Variants in TIFAB observed in about 807,000 individuals in gnomAD.
TIFAB encodes TIFA inhibitor.
For missense variants in TIFAB, 222 were observed against 203.6 expected (o/e 1.09, Z -0.55); for synonymous variants, 116 against 95.2 (o/e 1.22, Z -1.27).
rs1309850586 is a variant in TIFAB, at chr5:135,449,341, G to C, written c.*113C>G. On this transcript the variant is annotated 3_prime_UTR_variant, in exon 2 of 2. Coordinates refer to ENST00000537858, the MANE Select transcript of TIFAB (RefSeq NM_001099221.2). ...AGTGGCAGGGCTAGCAGAGTGCACT[G>C]TCTGGGGGTTCCCTCTGGAGCTGTA... The C allele has an allele frequency of 7.6e-6, 11 of 1,453,390 alleles. No individual in the cohort carries two copies. The highest frequency in any genetic ancestry group is 2.0e-5 in the Admixed American group (1 of 50,226). 90.0% of individuals were successfully genotyped at this position (1,453,390 alleles called of 1,614,324 possible). A position where few individuals can be genotyped will look rare whatever the true frequency, so the allele number is the denominator to read the frequency against.
At position 135,446,403 on chromosome 5, in the gene TIFAB, G is replaced by T; in HGVS notation, c.*3051C>A. 1 of 1,608,446 alleles carries T rather than the reference G, an allele frequency of 6.2e-7. No individual in the cohort carries two copies. The highest frequency in any genetic ancestry group is 1.1e-5 in the South Asian group (1 of 90,842). ...TCAGGCACGTGGGCTGCCCTGCGGT[G>T]GGAGCTGAGAGAATGCAGTGGAGGT... is the stretch of plus-strand genomic sequence containing the variant. On this transcript the variant is annotated 3_prime_UTR_variant, in exon 2 of 2. Coordinates refer to ENST00000537858, the MANE Select transcript of TIFAB (RefSeq NM_001099221.2).
At position 135,446,835 on chromosome 5, in the gene TIFAB, C is replaced by T; in HGVS notation, c.*2619G>A. The T allele has an allele frequency of 1.2e-6, 2 of 1,613,896 alleles. No individual in the cohort carries two copies. The highest frequency in any genetic ancestry group is 1.7e-6 in the Non-Finnish European group (2 of 1,179,826). On this transcript the variant is annotated 3_prime_UTR_variant, in exon 2 of 2. Coordinates refer to ENST00000537858, the MANE Select transcript of TIFAB (RefSeq NM_001099221.2). ...CTCGAAAGATTGGAGTTGCAGAGTC[C>T]CCTGTGGAGGAATTGAACTGCCCCC...
At position 135,447,105 on chromosome 5, in the gene TIFAB, G is replaced by A. The variant is rs1239713170; in HGVS notation, c.*2349C>T. 6.2e-7 allele frequency: 1 copy of A among 1,614,034 alleles called. No individual in the cohort carries two copies. The highest frequency in any genetic ancestry group is 8.5e-7 in the Non-Finnish European group (1 of 1,179,900). On this transcript the variant is annotated 3_prime_UTR_variant, in exon 2 of 2. Coordinates refer to ENST00000537858, the MANE Select transcript of TIFAB (RefSeq NM_001099221.2). ...TGTATGTGGGTTGCTGCTCCGTAATGCATAGTTGGGGGACCATTTTGGTCA... is the reference window on the plus strand; with the variant it reads ...TGTATGTGGGTTGCTGCTCCGTAATACATAGTTGGGGGACCATTTTGGTCA...
rs376229013 is a variant in TIFAB at position 135,447,295 on chromosome 5, C to T, written c.*2159G>A. The stretch of plus-strand genomic sequence containing the variant: ...CTGTTGCCTACCAGGTCCGTGGCTA[C>T]AACTAAATCCCTAGTTGGGGAATCA... On this transcript the variant is annotated 3_prime_UTR_variant, in exon 2 of 2. Transcript: ENST00000537858. 8.8e-6 allele frequency: 6 copies of T among 684,380 alleles called. No individual in the cohort carries two copies. The East Asian group carries it at 1.4e-4, about 16-fold the overall frequency. The allele number at this position is 684,380 out of a possible 1,614,324, so 42.4% of individuals were successfully genotyped here.
Position 135,449,409 on chromosome 5 carries a change from A to C in TIFAB, c.*45T>G, listed in dbSNP as rs751692083. 2.9e-5 allele frequency: 47 copies of C among 1,600,212 alleles called. No homozygotes were observed. The highest frequency in any genetic ancestry group is 3.7e-5 in the Non-Finnish European group (44 of 1,173,364). On this transcript the variant is annotated 3_prime_UTR_variant, in exon 2 of 2. Coordinates refer to ENST00000537858, the MANE Select transcript of TIFAB (RefSeq NM_001099221.2). ...GGTCTTGGCTGGAGAGGGCTGTCCC[A>C]AGTCTGGGAAGGGCCGTGGAGAAAC...
Position 135,446,369 on chromosome 5 carries a change from C to A in TIFAB, c.*3085G>T. The A allele has an allele frequency of 6.3e-7, 1 of 1,593,388 alleles. No homozygotes were observed. Among genetic ancestry groups the A allele is most frequent in the South Asian group, 1.1e-5 (1 of 87,998 alleles). On this transcript the variant is annotated 3_prime_UTR_variant, in exon 2 of 2. Coordinates refer to ENST00000537858, the MANE Select transcript of TIFAB (RefSeq NM_001099221.2). ...ATACTTGCGTGTGTGCACACGCACA[C>A]ATGTTCACTCAGGCACGTGGGCTGC...
chr5:135,446,746 G>A lies in TIFAB; in HGVS notation c.*2708C>T. 6.2e-7 allele frequency: 1 copy of A among 1,613,968 alleles called. No homozygotes were observed. The highest frequency in any genetic ancestry group is 8.5e-7 in the Non-Finnish European group (1 of 1,179,866). ...TCCGGGCTCCCTCCCGCCTGGTCTG[G>A]CCTGTCTTCCTTCTGCTGCTATGCA... is the stretch of plus-strand genomic sequence containing the variant. On this transcript the variant is annotated 3_prime_UTR_variant, in exon 2 of 2. Transcript: ENST00000537858.
In TIFAB at chr5:135,449,195, T is replaced by G. The variant is rs550915637; in HGVS notation, c.*259A>C. On this transcript the variant is annotated 3_prime_UTR_variant, in exon 2 of 2. Transcript: ENST00000537858. Reference sequence around the variant, plus strand: ...GGGTGCTTCTCCCCCCTGGGCTGTTTGTTCGGTGTTTGCAGAATTGGTTCA... The same window carrying G: ...GGGTGCTTCTCCCCCCTGGGCTGTTGGTTCGGTGTTTGCAGAATTGGTTCA... The G allele has an allele frequency of 8.7e-5, 47 of 539,698 alleles. No homozygotes were observed. Among genetic ancestry groups the G allele is most frequent in the Non-Finnish European group, 1.4e-4 (44 of 304,112 alleles). 33.4% of individuals were successfully genotyped at this position (539,698 alleles called of 1,614,324 possible). A position where few individuals can be genotyped will look rare whatever the true frequency, so the allele number is the denominator to read the frequency against.
intron 1 of TIFAB, chr5:135,450,848 G>C (rs572098383): frequency 6.6e-6 from 1 of 152,258 alleles, no homozygotes; most frequent in African/African-American, 2.4e-5. Context: ...ACGGTTCAAG[G>C]CCCTGTTCAA....
Position 135,447,096 on chromosome 5 carries a change from C to A in TIFAB, c.*2358G>T. ...CTCGAGTTCTGTATGTGGGTTGCTG[C>A]TCCGTAATGCATAGTTGGGGGACCA... On this transcript the variant is annotated 3_prime_UTR_variant, in exon 2 of 2. Coordinates refer to ENST00000537858, the MANE Select transcript of TIFAB (RefSeq NM_001099221.2). 1 of 1,614,042 alleles carries A rather than the reference C, an allele frequency of 6.2e-7. No individual in the cohort carries two copies. Among genetic ancestry groups the A allele is most frequent in the Non-Finnish European group, 8.5e-7 (1 of 1,179,910 alleles).
rs1162363850 is a variant in TIFAB, at chr5:135,446,438, G to C, written c.*3016C>G. ...AGAATGCAGTGGAGGTTGTTGGGAG[G>C]AACTCACCCGCCTGCTCTGGCTGTC... On this transcript the variant is annotated 3_prime_UTR_variant, in exon 2 of 2. Transcript: ENST00000537858. The C allele has an allele frequency of 1.2e-6, 2 of 1,612,852 alleles. No individual in the cohort carries two copies.
In TIFAB at chr5:135,446,675, G is replaced by A; in HGVS notation, c.*2779C>T. Reference sequence around the variant, plus strand: ...AAGGTGTGAGTTTCCCGGTGAGACTGTGTGAACTGTGAACGGGTAGAGTCT... The same window carrying A: ...AAGGTGTGAGTTTCCCGGTGAGACTATGTGAACTGTGAACGGGTAGAGTCT... On this transcript the variant is annotated 3_prime_UTR_variant, in exon 2 of 2. Coordinates refer to ENST00000537858, the MANE Select transcript of TIFAB (RefSeq NM_001099221.2). The A allele has an allele frequency of 1.2e-6, 2 of 1,613,952 alleles. No homozygotes were observed. The highest frequency in any genetic ancestry group is 1.7e-6 in the Non-Finnish European group (2 of 1,179,804).
chr5:135,449,781 G>C lies in TIFAB; in HGVS notation c.159C>G (p.Leu53=). The C allele has an allele frequency of 1.2e-6, 2 of 1,611,442 alleles. No individual in the cohort carries two copies. The highest frequency in any genetic ancestry group is 1.7e-6 in the Non-Finnish European group (2 of 1,177,848). ...DAHLQLQLPR[L]SRRHLSLEPY... ...GCTCCAGGGACAGGTGACGGCGGGA[G>C]AGGCGAGGGAGCTGCAGCTGGAGGT... The change falls in exon 2 of 2, where the codon CTC becomes CTG. Residue 53 remains leucine (L), a synonymous_variant. Coordinates refer to ENST00000537858, the MANE Select transcript of TIFAB (RefSeq NM_001099221.2).
Position 135,447,269 on chromosome 5 carries a change from C to A in TIFAB, c.*2185G>T. On this transcript the variant is annotated 3_prime_UTR_variant, in exon 2 of 2. Coordinates refer to ENST00000537858, the MANE Select transcript of TIFAB (RefSeq NM_001099221.2). ...GCAAGGAGCAGATTAAAATCCCCTC[C>A]CTGTTGCCTACCAGGTCCGTGGCTA... The A allele has an allele frequency of 1.2e-6, 1 of 832,040 alleles. No individual in the cohort carries two copies. Among genetic ancestry groups the A allele is most frequent in the Non-Finnish European group, 1.9e-6 (1 of 531,006 alleles). The allele number at this position is 832,040 out of a possible 1,614,324, so 51.5% of individuals were successfully genotyped here. A position where few individuals can be genotyped will look rare whatever the true frequency, so the allele number is the denominator to read the frequency against.
At position 135,449,550 on chromosome 5, in the gene TIFAB, A is replaced by G. The variant is rs200955768; in HGVS notation, c.390T>C (p.His130=). ...TSLEAFVCYF[H]VSPSPLIYRP... ...TGTAAATCAGGGGTGAAGGGCTGAC[A>G]TGGAAATAGCAGACAAAAGCCTCCA... Residue 130 remains histidine (H), a synonymous_variant, in exon 2 of 2, where the codon CAT becomes CAC. Transcript: ENST00000537858. 762 of 1,614,120 alleles carry G rather than the reference A, an allele frequency of 4.7e-4. 1 individual carries two copies. The highest frequency in any genetic ancestry group is 6.1e-4 in the Non-Finnish European group (724 of 1,180,050).
In TIFAB at chr5:135,449,909, T is replaced by C. The variant is rs754494229; in HGVS notation, c.31A>G (p.Ser11Gly). Residue 11 changes from serine to glycine, a missense_variant, in exon 2 of 2, where the codon AGC becomes GGC. Coordinates refer to ENST00000537858, the MANE Select transcript of TIFAB (RefSeq NM_001099221.2). ...GGGCCCAGCGTGGGATGGTACAGGC[T>C]CACTCGCAGGACGGTGAGGGGCTTC... MEKPLTVLRVSLYHPTLGPSA... is the reference protein window; with the variant it reads MEKPLTVLRVGLYHPTLGPSA... 2.6e-6 allele frequency: 4 copies of C among 1,532,760 alleles called. No homozygotes were observed. In the Admixed American group the frequency reaches 6.2e-5, roughly 24 times the overall value. 94.9% of individuals were successfully genotyped at this position (1,532,760 alleles called of 1,614,324 possible).
chr5:135,447,312 G>A lies in TIFAB; in HGVS notation c.*2142C>T. 1 of 646,634 alleles carries A rather than the reference G, an allele frequency of 1.5e-6. No homozygotes were observed. Among genetic ancestry groups the A allele is most frequent in the South Asian group, 2.0e-5 (1 of 50,808 alleles). The allele number at this position is 646,634 out of a possible 1,614,324, so 40.1% of individuals were successfully genotyped here. A position where few individuals can be genotyped will look rare whatever the true frequency, so the allele number is the denominator to read the frequency against. ...CGTGGCTACAACTAAATCCCTAGTT[G>A]GGGAATCACAGAGCACAGGTAAGCC... On this transcript the variant is annotated 3_prime_UTR_variant, in exon 2 of 2. Coordinates refer to ENST00000537858, the MANE Select transcript of TIFAB (RefSeq NM_001099221.2).
Position 135,447,018 on chromosome 5 carries a change from C to G in TIFAB, c.*2436G>C, listed in dbSNP as rs761243125. ...CCTGGGAACTCTGGGGTTTCCCCAC[C>G]AGCTCCTCTCTCCAGTCTTTGGTGT... On this transcript the variant is annotated 3_prime_UTR_variant, in exon 2 of 2. Coordinates refer to ENST00000537858, the MANE Select transcript of TIFAB (RefSeq NM_001099221.2). 8.1e-6 allele frequency: 13 copies of G among 1,613,824 alleles called. No individual in the cohort carries two copies. The highest frequency in any genetic ancestry group is 1.1e-5 in the Non-Finnish European group (13 of 1,179,814).
At chr5:135,450,506 A>G (rs1769345474) in intron 1 of TIFAB, 1 of 152,536 alleles carries the variant, frequency 6.6e-6, no homozygotes, top group African/African-American at 2.4e-5. Flanking sequence ...CAGAAGGAGG[A>G]TGCTTAGCCT....
Sources: gnomAD v4.1 joint callset for allele counts on GRCh38, gnomAD v4.1.1 for gene constraint, MANE v1.5 for transcripts, NCBI Gene and HGNC (gene_info 2026-07-23, HGNC 2026-07-21) for gene names.